TENM2: variants seen among roughly 807,000 people sequenced by gnomAD.
The protein encoded by TENM2 is teneurin-2.
TENM2 carries 52 observed loss-of-function variants against 245.2 expected under a neutral mutation model. The ratio of observed to expected loss-of-function variants is 0.21; its 90% CI spans 0.17 to 0.27. The LOEUF (loss-of-function observed/expected upper bound fraction) is 0.27, where lower values mean the gene tolerates loss of function less well. Ranked by LOEUF, TENM2 falls within the 10% of genes least tolerant of loss-of-function variation. TENM2 has a pLI of 1.00. For synonymous variants in TENM2, 1,363 were observed against 1,438.9 expected, an observed-to-expected ratio of 0.95 and a Z score of 1.19; for missense variants, 3,046 against 3,666.8, an observed-to-expected ratio of 0.83 and a Z score of 4.37.
chr5:168,143,354 A>G (rs1440672251), intron 12 of TENM2, among the ~76,000 whole-genome samples: 2 of 151,854 alleles, frequency 1.3e-5, no homozygotes, highest in Non-Finnish European at 2.9e-5. Context: ...ATTACTTAGT[A>G]TGCTATATCT....
At chr5:167,672,939 C>T (rs538228359) in intron 2 of TENM2, among the ~76,000 whole-genome samples, 2 of 151,238 alleles carry the variant, frequency 1.3e-5, no homozygotes, top group South Asian at 2.1e-4. Context: ...GATGATTTCT[C>T]GAACTCTTAA....
chr5:167,444,232 C>T (rs1765025457), intron 2 of TENM2, among the ~76,000 whole-genome samples: 1 of 151,902 alleles, frequency 6.6e-6, no homozygotes, highest in African/African-American at 2.4e-5. Flanking sequence ...TTCTACACTT[C>T]CAATATCCAG....
At chr5:167,782,325 A>AAAAAAC in intron 2 of TENM2, among the ~76,000 whole-genome samples, 1 of 151,140 alleles carries the variant, frequency 6.6e-6, no homozygotes, top group African/African-American at 2.4e-5. Flanking sequence ...AAAAAAAAAA[A>AAAAAAC]AAAAAAAAAA....
chr5:167,923,331 A>G (rs1314212847), intron 3 of TENM2, among the ~76,000 whole-genome samples: 2 of 152,114 alleles, frequency 1.3e-5, no homozygotes, highest in East Asian at 1.9e-4. Context: ...AAAGAAAAAA[A>G]AAAAAGCCAT....
chr5:167,923,209 C>T (rs139959320), intron 3 of TENM2, among the ~76,000 whole-genome samples: 1 of 152,190 alleles, frequency 6.6e-6, no homozygotes, highest in African/African-American at 2.4e-5. Context: ...GTCCCAGCTA[C>T]TCAGGATGCT....
At chr5:168,077,135 G>C (rs1791549452) in intron 7 of TENM2, among the ~76,000 whole-genome samples, 1 of 152,166 alleles carries the variant, frequency 6.6e-6, no homozygotes, top group Non-Finnish European at 1.5e-5. Context: ...CTTAGAGCGT[G>C]CCTGGCCTCA....
At chr5:168,186,602 T>G (rs1270393897) in intron 13 of TENM2, 1 of 152,124 alleles carries the variant, frequency 6.6e-6, no homozygotes, top group African/African-American at 2.4e-5. Context: ...TATTGGGCCC[T>G]TTTTGAGGAC....
At chr5:167,085,025 C>A in the TENM2 span, among the ~76,000 whole-genome samples, 2 of 152,148 alleles carry the variant, frequency 1.3e-5, no homozygotes, top group African/African-American at 4.8e-5. Flanking sequence ...CTCCAAATTA[C>A]TCTTTTGCAT....
At chr5:168,015,574 AAGG>A (rs1209967789) in intron 5 of TENM2, among the ~76,000 whole-genome samples, 5 of 152,346 alleles carry the variant, frequency 3.3e-5, no homozygotes, top group Admixed American at 2.0e-4. Flanking sequence ...GCTGCGCCTC[AAGG>A]AGAAGTCTGT....
intron 2 of TENM2, among the ~76,000 whole-genome samples, chr5:167,437,746 C>T (rs184988604): frequency 6.6e-5 from 10 of 152,194 alleles, no homozygotes; most frequent in East Asian, 5.8e-4. Flanking sequence ...ATGAGTCTCA[C>T]GAGATCTGAT....
chr5:167,808,898 A>T (rs1297422352), intron 2 of TENM2, among the ~76,000 whole-genome samples: 2 of 152,190 alleles, frequency 1.3e-5, no homozygotes, highest in Non-Finnish European at 2.9e-5. Flanking sequence ...ATATTTCGTC[A>T]ATACTAAAAT....
chr5:168,161,056 A>G (rs1302118307), intron 12 of TENM2, among the ~76,000 whole-genome samples: 3 of 152,134 alleles, frequency 2.0e-5, no homozygotes, highest in African/African-American at 7.2e-5. Context: ...CCATATGCAT[A>G]TATTAGGTTT....
At chr5:167,041,093 G>T in the TENM2 span, among the ~76,000 whole-genome samples, 1 of 152,142 alleles carries the variant, frequency 6.6e-6, no homozygotes, top group Non-Finnish European at 1.5e-5. Context: ...CCACATGTAT[G>T]CAGGTGATAA....
At position 168,248,307 on chromosome 5, in the gene TENM2, C is replaced by T. The variant is rs768596097; in HGVS notation, c.7368C>T (p.Asn2456=). ...TGGGCAAGGAGCCGGCCCCCTTTAA[C>T]CTGTATATGTTCAAGAGCAACAATC... Residue 2456 remains asparagine (N), a synonymous_variant, in exon 27 of 29, where the codon AAC becomes AAT. Coordinates refer to ENST00000518659, the Ensembl canonical transcript of TENM2. 49 of 1,613,996 alleles carry T rather than the reference C, an allele frequency of 3.0e-5. 1 individual carries two copies. The South Asian group carries it at 5.1e-4, about 17-fold the overall frequency.
intron 2 of TENM2, among the ~76,000 whole-genome samples, chr5:167,744,764 A>G (rs1761438854): frequency 6.6e-6 from 1 of 152,098 alleles, no homozygotes; most frequent in African/African-American, 2.4e-5. Flanking sequence ...TAATTGATGT[A>G]TTGTGGACAC....
chr5:168,009,697 G>T (rs1025383550), intron 5 of TENM2, among the ~76,000 whole-genome samples: 4 of 152,210 alleles, frequency 2.6e-5, no homozygotes, highest in African/African-American at 9.7e-5. Context: ...AGCCACTTTA[G>T]TTCTTGCTAT....
intron 13 of TENM2, among the ~76,000 whole-genome samples, chr5:168,163,361 T>C (rs1335045438): frequency 6.6e-6 from 1 of 152,224 alleles, no homozygotes; most frequent in African/African-American, 2.4e-5. Context: ...ACATTTTTAA[T>C]GGTTGGTGGA....
At chr5:167,248,808 G>GTATA in the TENM2 span, among the ~76,000 whole-genome samples, 1 of 150,866 alleles carries the variant, frequency 6.6e-6, no homozygotes, top group African/African-American at 2.4e-5. Context: ...GCGTGTGTGT[G>GTATA]TATATATATA....
At chr5:167,150,366 T>A in the TENM2 span, among the ~76,000 whole-genome samples, 30 of 152,314 alleles carry the variant, frequency 2.0e-4, no homozygotes, top group South Asian at 2.5e-3. Flanking sequence ...AAAAAATTAT[T>A]ATGGGCAAAT....
Sources: gnomAD v4.1 joint callset for allele counts (sites outside exome capture counted in the v4.1 genomes callset) on GRCh38, gnomAD v4.1.1 for gene constraint, MANE v1.5 for transcripts, NCBI Gene and HGNC (gene_info 2026-07-23, HGNC 2026-07-21) for gene names.